SLC22A24: variants seen among roughly 807,000 people sequenced by gnomAD.
SLC22A24 encodes solute carrier family 22 member 24.
Under a neutral mutation model 49.8 loss-of-function variants are expected in SLC22A24, and 53 were observed. That is an observed-to-expected ratio of 1.06 (90% CI 0.85 to 1.34). The LOEUF (loss-of-function observed/expected upper bound fraction) is 1.34, where lower values mean the gene tolerates loss of function less well. Ranked by LOEUF, SLC22A24 falls within the 40% of genes most tolerant of loss-of-function variation. The pLI is 0.00. For synonymous variants in SLC22A24, 302 were observed against 256.4 expected (o/e 1.18, Z -1.70); for missense variants, 786 against 675.9 (o/e 1.16, Z -1.81).
chr11:63,083,028 G>C (rs190937499), intron 7 of SLC22A24, among the ~76,000 whole-genome samples: 41 of 152,246 alleles, frequency 2.7e-4, no homozygotes, highest in African/African-American at 8.9e-4. Flanking sequence ...ACAACCGTGT[G>C]TCTGAACCAT....
chr11:63,118,816 A>G, intron 4 of SLC22A24, 96 bp downstream of exon 4: 1 of 1,288,726 alleles, frequency 7.8e-7, no homozygotes, highest in Non-Finnish European at 1.1e-6. Flanking sequence ...GCTCAGGACT[A>G]GGCCAGAGAC....
chr11:63,122,036 C>T (rs1387913464), intron 2 of SLC22A24, among the ~76,000 whole-genome samples: 3 of 152,068 alleles, frequency 2.0e-5, no homozygotes, highest in Non-Finnish European at 2.9e-5. Flanking sequence ...CCCAAATTAA[C>T]GAAGATATTA....
At position 63,140,809 on chromosome 11, in the gene SLC22A24, A is replaced by G. The variant is rs556648552; in HGVS notation, c.402+2569T>C. ...AAAGTTTATAAGAAGGCATAAGAAT[A>G]TGGCTTTTGTTAAAGGGAATGTAAT... On this transcript the variant is annotated intron_variant, in intron 1 of 9. Transcript: ENST00000612278. Among the ~76,000 whole-genome samples the G allele has an allele frequency of 1.2e-4, 19 of 152,334 alleles. No individual in the cohort carries two copies. The South Asian group carries it at 3.3e-3, about 27-fold the overall frequency.
chr11:63,105,627 A>G (rs1590735874), intron 4 of SLC22A24, among the ~76,000 whole-genome samples: 2 of 152,040 alleles, frequency 1.3e-5, no homozygotes, highest in Non-Finnish European at 2.9e-5. Context: ...GACTCAGGAC[A>G]CCTGCCCCTA....
At chr11:63,140,087 TG>T (rs2087404773) in intron 1 of SLC22A24, among the ~76,000 whole-genome samples, 2 of 61,342 alleles carry the variant, frequency 3.3e-5, no homozygotes, top group South Asian at 7.5e-4. Context: ...TTTTTTTTTT[TG>T]TTTTTTTTTT....
At chr11:63,110,650 G>C (rs573917768) in intron 4 of SLC22A24, among the ~76,000 whole-genome samples, 2,869 of 133,464 alleles carry the variant, frequency 0.021, 87 homozygotes, top group African/African-American at 0.073. Context: ...CTCTCTGTTT[G>C]TCTGTTGTTG....
chr11:63,082,600 T>G (rs1405088493), intron 7 of SLC22A24, among the ~76,000 whole-genome samples: 1 of 152,256 alleles, frequency 6.6e-6, no homozygotes, highest in African/African-American at 2.4e-5. Context: ...CTTCTTAATC[T>G]GTTCCTTGTT....
intron 2 of SLC22A24, among the ~76,000 whole-genome samples, chr11:63,121,197 T>A (rs898359790): frequency 6.6e-6 from 1 of 152,184 alleles, no homozygotes; most frequent in East Asian, 1.9e-4. Context: ...ATCACACTAG[T>A]GCAAAATGTT....
At position 63,123,000 on chromosome 11, in the gene SLC22A24, T is replaced by C. The variant is rs554616372; in HGVS notation, c.507-3665A>G. The stretch of plus-strand genomic sequence containing the variant: ...TATCCTCCTTTGAGCTATTTGAAAC[T>C]ATATATATTATTGTTAACTAAAGTA... On this transcript the variant is annotated intron_variant, in intron 2 of 9. Transcript: ENST00000612278. 7.2e-5 allele frequency among the ~76,000 whole-genome samples: 11 copies of C among 152,304 alleles called. No individual in the cohort carries two copies. In the East Asian group the frequency reaches 2.1e-3, roughly 29 times the overall value.
chr11:63,136,343 C>T (rs2087374341), intron 1 of SLC22A24, among the ~76,000 whole-genome samples: 1 of 152,186 alleles, frequency 6.6e-6, no homozygotes, highest in Non-Finnish European at 1.5e-5. Context: ...GAGAAGTATG[C>T]TCAGCACTTC....
At chr11:63,137,176 G>T (rs2087381276) in intron 1 of SLC22A24, among the ~76,000 whole-genome samples, 1 of 152,148 alleles carries the variant, frequency 6.6e-6, no homozygotes, top group Admixed American at 6.5e-5. Context: ...TTTCTAACTA[G>T]TAGGAAGAGT....
chr11:63,082,490 T>C (rs1452184578), intron 7 of SLC22A24, among the ~76,000 whole-genome samples: 1 of 152,158 alleles, frequency 6.6e-6, no homozygotes, highest in Non-Finnish European at 1.5e-5. Context: ...CTCTGGGAGA[T>C]GAGTGGAATA....
chr11:63,119,946 T>TCGC (rs143088266), intron 2 of SLC22A24, among the ~76,000 whole-genome samples: 5,930 of 152,132 alleles, frequency 0.039, 167 homozygotes, highest in Non-Finnish European at 0.063. Context: ...TTCATGTCCT[T>TCGC]CGCCCACTTT....
chr11:63,096,065 T>A lies in SLC22A24; in HGVS notation c.996A>T (p.Arg332=). Residue 332 remains arginine, a synonymous_variant, in exon 6 of 10, where the codon CGA becomes CGT. Coordinates refer to ENST00000612278, the MANE Select transcript of SLC22A24 (RefSeq NM_001136506.2). ...ACAGGGAAAAAATGGATGTTTTAAT[T>A]CGGACTGCATCCAACTCCTTCTTCA... ...STMKKELDAV[R]IKTSIFSLFR... The A allele has an allele frequency of 6.4e-7, 1 of 1,550,874 alleles. No individual in the cohort carries two copies. Among genetic ancestry groups the A allele is most frequent in the Non-Finnish European group, 8.7e-7 (1 of 1,146,408 alleles).
intron 2 of SLC22A24, among the ~76,000 whole-genome samples, chr11:63,121,445 G>C (rs1426859076): frequency 6.6e-6 from 1 of 152,046 alleles, no homozygotes; most frequent in Non-Finnish European, 1.5e-5. Flanking sequence ...GGATCACTAT[G>C]AAGAACTATG....
At chr11:63,116,321 G>A (rs1029935660) in intron 4 of SLC22A24, 3 of 221,172 alleles carry the variant, frequency 1.4e-5, no homozygotes, top group African/African-American at 6.8e-5. Flanking sequence ...GTTTGGTATG[G>A]TTCTTGGACT....
chr11:63,141,945 T>G (rs1246110414), intron 1 of SLC22A24, among the ~76,000 whole-genome samples: 1 of 151,354 alleles, frequency 6.6e-6, no homozygotes. Flanking sequence ...TTTTGTTAGC[T>G]GTTCTTGATG....
At chr11:63,125,770 C>T (rs141749487) in intron 2 of SLC22A24, among the ~76,000 whole-genome samples, 2,970 of 142,066 alleles carry the variant, frequency 0.021, 98 homozygotes, top group African/African-American at 0.087. Context: ...TACACTCCCA[C>T]CAACAGTGTA....
intron 6 of SLC22A24, among the ~76,000 whole-genome samples, chr11:63,093,654 A>G (rs2087034498): frequency 6.6e-6 from 1 of 152,112 alleles, no homozygotes; most frequent in South Asian, 2.1e-4. Flanking sequence ...AGAACACATC[A>G]TCACATAGAG....
Sources: gnomAD v4.1 joint callset for allele counts (sites outside exome capture counted in the v4.1 genomes callset) on GRCh38, gnomAD v4.1.1 for gene constraint, MANE v1.5 for transcripts, NCBI Gene and HGNC (gene_info 2026-07-23, HGNC 2026-07-21) for gene names.